PNPLA1: variants seen among roughly 807,000 people sequenced by gnomAD.
The protein encoded by PNPLA1 is omega-hydroxyceramide transacylase.
In PNPLA1, 36 loss-of-function variants were observed where a neutral mutation model predicts 51.7. That is an observed-to-expected ratio of 0.70 (90% confidence interval 0.53 to 0.92). The LOEUF is 0.92. PNPLA1 is among the 40% of genes least tolerant of loss of function. The pLI, the probability that PNPLA1 is intolerant of heterozygous loss-of-function variation, is 0.00. For missense variants in PNPLA1, 658 were observed against 682.5 expected, an observed-to-expected ratio of 0.96 and a Z score of 0.40; for synonymous variants, 293 against 280.1, an observed-to-expected ratio of 1.05 and a Z score of -0.46.
At chr6:36,287,794 A>C (rs867242359) in intron 1 of PNPLA1, among the ~76,000 whole-genome samples, 1 of 133,646 alleles carries the variant, frequency 7.5e-6, no homozygotes, top group South Asian at 2.5e-4. Flanking sequence ...ACACACACAC[A>C]CCCCTGGAGA....
chr6:36,288,493 C>T lies in PNPLA1; in HGVS notation c.206-2827C>T, dbSNP rs1349637513. Among the ~76,000 whole-genome samples the T allele has an allele frequency of 4.8e-5, 7 of 146,972 alleles. No homozygotes were observed. In the East Asian group the frequency reaches 1.0e-3, roughly 21 times the overall value. On this transcript the variant is annotated intron_variant, in intron 1 of 8. Transcript: ENST00000636260. ...CGGAGTCTCGCTCTGTCGCCCAGGC[C>T]GGACTGCGGACTGCAGTGGCGCAAT...
intron 1 of PNPLA1, among the ~76,000 whole-genome samples, chr6:36,249,779 GGAC>G (rs1769381931): frequency 6.6e-6 from 1 of 152,120 alleles, no homozygotes; most frequent in Admixed American, 6.5e-5. Context: ...TGAACAAGTT[GGAC>G]AAGTTGCTTA....
intron 5 of PNPLA1, among the ~76,000 whole-genome samples, chr6:36,299,927 G>A (rs187608046): frequency 2.0e-5 from 3 of 152,136 alleles, no homozygotes; most frequent in East Asian, 3.9e-4. Context: ...TCTGTTAGAC[G>A]TTACAGAATG....
intron 1 of PNPLA1, among the ~76,000 whole-genome samples, chr6:36,281,945 C>G (rs1315828331): frequency 6.6e-6 from 1 of 151,248 alleles, no homozygotes; most frequent in African/African-American, 2.4e-5. Flanking sequence ...CACTTGAACC[C>G]AGGAGATGGG....
At chr6:36,262,285 T>TG (rs34373608) in intron 1 of PNPLA1, among the ~76,000 whole-genome samples, 100,691 of 151,772 alleles carry the variant, frequency 0.66, 34,487 homozygotes, top group African/African-American at 0.82. Flanking sequence ...CATCCTCCAC[T>TG]CTCCCACTCT....
At chr6:36,301,646 T>C (rs1039713505) in intron 5 of PNPLA1, among the ~76,000 whole-genome samples, 2 of 152,186 alleles carry the variant, frequency 1.3e-5, no homozygotes, top group African/African-American at 4.8e-5. Context: ...GTTGAAACTC[T>C]AGATAATTTG....
chr6:36,288,609 C>A (rs1380387414), intron 1 of PNPLA1, among the ~76,000 whole-genome samples: 1 of 151,392 alleles, frequency 6.6e-6, no homozygotes, highest in Non-Finnish European at 1.5e-5. Flanking sequence ...CCCGCCACCG[C>A]GCCCGGCTAA....
At chr6:36,287,617 C>T (rs148809704) in intron 1 of PNPLA1, among the ~76,000 whole-genome samples, 36 of 152,220 alleles carry the variant, frequency 2.4e-4, no homozygotes, top group African/African-American at 8.2e-4. Flanking sequence ...AATTGCTGTG[C>T]TTAACACTTA....
chr6:36,243,734 C>T (rs1270529972), intron 1 of PNPLA1, among the ~76,000 whole-genome samples: 1 of 152,118 alleles, frequency 6.6e-6, no homozygotes, highest in African/African-American at 2.4e-5. Context: ...TCACCTCCCC[C>T]AACTCTGCTT....
chr6:36,282,080 AGAAAGAAAGAAGGAAGGAAG>A (rs1383504676), intron 1 of PNPLA1, among the ~76,000 whole-genome samples: 1 of 131,148 alleles, frequency 7.6e-6, no homozygotes, highest in Admixed American at 7.6e-5. Context: ...AAAGAAAGAA[AGAAAGAAAGAAGGAAGGAAG>A]GAAGGAAGGA....
chr6:36,303,196 G>A (rs780436299), intron 6 of PNPLA1, among the ~76,000 whole-genome samples: 7 of 152,002 alleles, frequency 4.6e-5, no homozygotes, highest in Non-Finnish European at 1.0e-4. Flanking sequence ...CCGGGTTCAC[G>A]CCATTCTTCT....
At chr6:36,274,206 A>G (rs930057250) in intron 1 of PNPLA1, among the ~76,000 whole-genome samples, 5 of 152,234 alleles carry the variant, frequency 3.3e-5, no homozygotes, top group African/African-American at 1.2e-4. Context: ...TGAGTCACAG[A>G]AAATTTAAAT....
chr6:36,271,607 T>C (rs1173936449), intron 1 of PNPLA1, among the ~76,000 whole-genome samples: 1 of 152,190 alleles, frequency 6.6e-6, no homozygotes, highest in Non-Finnish European at 1.5e-5. Flanking sequence ...AGGAAGGTGG[T>C]CAGGGAAGCC....
chr6:36,274,830 G>A (rs905674991), intron 1 of PNPLA1, among the ~76,000 whole-genome samples: 3 of 152,114 alleles, frequency 2.0e-5, no homozygotes, highest in Non-Finnish European at 4.4e-5. Flanking sequence ...ACCACTAGAC[G>A]TTTCCTCTTC....
In PNPLA1 at chr6:36,248,675, T is replaced by C. The variant is rs535614763; in HGVS notation, c.-81+5414T>C. Among the ~76,000 whole-genome samples the C allele has an allele frequency of 4.0e-4, 61 of 152,242 alleles. 1 individual carries two copies. The highest frequency in any genetic ancestry group is 1.3e-3 in the Admixed American group (20 of 15,292). ...CTGGGATTACAGGCACATGCCACCA[T>C]GCCCAGCTAATTTTTGTACTTTTAG... is the stretch of plus-strand genomic sequence containing the variant. On this transcript the variant is annotated intron_variant, in intron 1 of 7. Transcript: ENST00000312917.
At chr6:36,283,417 AC>A (rs997324906) in intron 1 of PNPLA1, among the ~76,000 whole-genome samples, 17 of 152,188 alleles carry the variant, frequency 1.1e-4, no homozygotes, top group African/African-American at 4.1e-4. Flanking sequence ...AAACCTCCAG[AC>A]TTTTTTTGGT....
Position 36,302,380 on chromosome 6 carries a change from T to C in PNPLA1, c.1295T>C (p.Val432Ala). Reference protein sequence around the residue: ...SPRPSLGPSTVGAPQTLPRSS... With the variant: ...SPRPSLGPSTAGAPQTLPRSS... ...AGGCCATCCCTGGGGCCTTCAACTG[T>C]GGGGGCACCTCAAACACTGCCCCGA... Residue 432 changes from valine (V) to alanine (A), a missense_variant, in exon 6 of 9, where the codon GTG becomes GCG. By Grantham distance (64) the Val-to-Ala change is moderately conservative (BLOSUM62 0). Transcript: ENST00000636260. 1 of 1,602,294 alleles carries C rather than the reference T, an allele frequency of 6.2e-7. No homozygotes were observed. Among genetic ancestry groups the C allele is most frequent in the Non-Finnish European group, 8.5e-7 (1 of 1,172,934 alleles).
chr6:36,276,733 C>T (rs1274508339), intron 1 of PNPLA1, among the ~76,000 whole-genome samples: 2 of 151,294 alleles, frequency 1.3e-5, no homozygotes, highest in African/African-American at 4.9e-5. Context: ...TCCGTCCCTT[C>T]GTTCCTTTCT....
At position 36,294,807 on chromosome 6, in the gene PNPLA1, AAAG is replaced by A. The variant is rs1770808669; in HGVS notation, c.714+414_714+416del. On this transcript the variant is annotated intron_variant, in intron 4 of 8. Coordinates refer to ENST00000636260, the MANE Select transcript of PNPLA1 (RefSeq NM_001374623.1). The surrounding 1 kb of genome is among the most constrained non-coding windows in gnomAD (Gnocchi z 4.2). ...TTAGAGAGTTATGGGGGAAAGAAAA[AAAG>A]AAGAAAAAGAAAAAGAACATTAGGC... is the stretch of plus-strand genomic sequence containing the variant. 6.6e-6 allele frequency among the ~76,000 whole-genome samples: 1 copy of A among 152,208 alleles called. No homozygotes were observed. The highest frequency in any genetic ancestry group is 2.4e-5 in the African/African-American group (1 of 41,448).
Sources: gnomAD v4.1 joint callset for allele counts (sites outside exome capture counted in the v4.1 genomes callset) on GRCh38, gnomAD v4.1.1 for gene constraint, Gnocchi (gnomAD v3.1) non-coding constraint, MANE v1.5 for transcripts, NCBI Gene and HGNC (gene_info 2026-07-23, HGNC 2026-07-21) for gene names.